VPS53: variants seen among roughly 807,000 people sequenced by gnomAD.
The protein encoded by VPS53 is VPS53 subunit of GARP complex.
A neutral mutation model predicts 107.0 loss-of-function variants in VPS53; 70 were observed. That is an observed-to-expected ratio of 0.65 (90% confidence interval 0.54 to 0.80). The LOEUF is 0.80. Among genes scored for constraint, VPS53 ranks in the 30% least tolerant of loss-of-function variants. VPS53 has a pLI of 0.00. For synonymous variants in VPS53, 409 were observed against 393.3 expected (o/e 1.04, Z -0.47); for missense variants, 917 against 1,049.4 (o/e 0.87, Z 1.74).
rs1907978453 is a variant in VPS53, at chr17:512,071, C to T, written c.*7057G>A. On this transcript the variant is annotated 3_prime_UTR_variant, in exon 22 of 22. Transcript: ENST00000437048. ...ATACTGCTCAGTCTTTTAAAACTCT[C>T]GTGTAAGCTTGATATTACAGTCATG... 1.3e-5 allele frequency: 2 copies of T among 152,192 alleles called. No individual in the cohort carries two copies. The highest frequency in any genetic ancestry group is 4.8e-5 in the African/African-American group (2 of 41,444). The allele number at this position is 152,192 out of a possible 1,614,324, so 9.4% of individuals were successfully genotyped here.
chr17:567,515 T>C (rs919085821), intron 13 of VPS53, among the ~76,000 whole-genome samples: 1 of 152,044 alleles, frequency 6.6e-6, no homozygotes, highest in East Asian at 1.9e-4. Context: ...TTTTTTTTTT[T>C]TTTGAGACAG....
rs1218835476 is a variant in VPS53 at position 562,354 on chromosome 17, A to T, written c.1556+149T>A. The T allele has an allele frequency of 2.7e-6, 3 of 1,093,338 alleles. No homozygotes were observed. In the East Asian group the frequency reaches 7.4e-5, roughly 27 times the overall value. 67.7% of individuals were successfully genotyped at this position (1,093,338 alleles called of 1,614,324 possible). ...ATCAGCTGTGGAATGTCAGAGAGGA[A>T]ATAGCTTCAGGCCCTCGGGAACTCA... On this transcript the variant is annotated intron_variant, in intron 14 of 21. Coordinates refer to ENST00000437048, the MANE Select transcript of VPS53 (RefSeq NM_001128159.3).
chr17:674,581 G>A (rs1301618172), intron 4 of VPS53: 1 of 152,230 alleles, frequency 6.6e-6, no homozygotes, highest in African/African-American at 2.4e-5. Flanking sequence ...AGAACACAGA[G>A]AGTTCTCTTC....
At chr17:562,475 C>T (rs1199655342) in intron 14 of VPS53, 28 bp downstream of exon 14, 1 of 1,611,170 alleles carries the variant, frequency 6.2e-7, no homozygotes, top group Non-Finnish European at 8.5e-7. Context: ...TATTTGCCAC[C>T]ACTCAGACTA....
intron 7 of VPS53, among the ~76,000 whole-genome samples, chr17:637,447 T>A (rs1247118161): frequency 6.6e-6 from 1 of 152,234 alleles, no homozygotes. Context: ...TAGTTATTTC[T>A]TGACTTCTGC....
chr17:681,532 C>A (rs1165618571), intron 4 of VPS53, among the ~76,000 whole-genome samples: 1 of 152,300 alleles, frequency 6.6e-6, no homozygotes, highest in South Asian at 2.1e-4. Flanking sequence ...CTCCCATACA[C>A]GCTTCCATAT....
At position 509,113 on chromosome 17, in the gene VPS53, ATATCAAATCC is replaced by A. The variant is rs1402259079; in HGVS notation, c.*10005_*10014del. The A allele has an allele frequency of 2.1e-5, 3 of 145,462 alleles. No homozygotes were observed. The highest frequency in any genetic ancestry group is 2.0e-4 in the Admixed American group (3 of 14,956). The allele number at this position is 145,462 out of a possible 1,614,324, so 9.0% of individuals were successfully genotyped here. A position where few individuals can be genotyped will look rare whatever the true frequency, so the allele number is the denominator to read the frequency against. ...TCCTGGCTCACCCCTCACTAGTCACATATCAAATCCTGTCTCACCCCTCACCAGTCACATA... is the reference window on the plus strand; with the variant it reads ...TCCTGGCTCACCCCTCACTAGTCACATGTCTCACCCCTCACCAGTCACATA... On this transcript the variant is annotated 3_prime_UTR_variant, in exon 22 of 22. Coordinates refer to ENST00000437048, the MANE Select transcript of VPS53 (RefSeq NM_001128159.3).
intron 4 of VPS53, among the ~76,000 whole-genome samples, chr17:688,119 C>G (rs905558300): frequency 2.6e-5 from 4 of 152,150 alleles, no homozygotes; most frequent in African/African-American, 9.7e-5. Context: ...ACATGTCTCC[C>G]TGCCAAAAAA....
chr17:670,758 G>A (rs115000591), intron 4 of VPS53, among the ~76,000 whole-genome samples: 1 of 152,306 alleles, frequency 6.6e-6, no homozygotes, highest in African/African-American at 2.4e-5. Flanking sequence ...ACTGCAGGAA[G>A]GAGGAAAGGT....
chr17:698,536 C>G (rs1218552574), intron 3 of VPS53, among the ~76,000 whole-genome samples: 1 of 151,838 alleles, frequency 6.6e-6, no homozygotes, highest in Non-Finnish European at 1.5e-5. Context: ...GAAACCCCAT[C>G]TCTACAAAAA....
At chr17:555,030 C>T (rs760735023) in intron 15 of VPS53, among the ~76,000 whole-genome samples, 1 of 152,158 alleles carries the variant, frequency 6.6e-6, no homozygotes, top group Non-Finnish European at 1.5e-5. Flanking sequence ...TCTCATAAAG[C>T]TGGAAACAAT....
rs141036138 is a variant in VPS53 at position 651,371 on chromosome 17, G to A, written c.608+1920C>T. Among the ~76,000 whole-genome samples the A allele has an allele frequency of 2.2e-3, 339 of 152,288 alleles. 1 individual carries two copies. Among genetic ancestry groups the A allele is most frequent in the African/African-American group, 7.7e-3 (320 of 41,560 alleles). ...TGCAGTGGCTCACGCCTGTAACCCC[G>A]ATGCACTGGGAGCCCAAGACCAGCC... On this transcript the variant is annotated intron_variant, in intron 7 of 21. Transcript: ENST00000437048.
intron 4 of VPS53, among the ~76,000 whole-genome samples, chr17:689,464 A>ATTT (rs1184638230): frequency 1.2e-4 from 13 of 111,640 alleles, no homozygotes; most frequent in Admixed American, 2.1e-4. Flanking sequence ...TGCTGGACTA[A>ATTT]TTTTTTTTTT....
rs147717800 is a variant in VPS53, at chr17:560,460, C to T, written c.1670G>A (p.Ser557Asn). 1.5e-4 allele frequency: 234 copies of T among 1,612,630 alleles called. No individual in the cohort carries two copies. Among genetic ancestry groups the T allele is most frequent in the Admixed American group, 5.0e-5 (3 of 59,996 alleles). Residue 557 changes from serine to asparagine, a missense_variant, in exon 15 of 22, where the codon AGC becomes AAC. By Grantham distance (46) the Ser-to-Asn change is conservative. Transcript: ENST00000437048. ...EELCLICNIL[S>N]TAEYCLATTQ... Reference sequence around the variant, plus strand: ...GGTGGCCAGACAGTACTCTGCCGTGCTCAGGATGTTACAGATGAGGCAGAG... The same window carrying T: ...GGTGGCCAGACAGTACTCTGCCGTGTTCAGGATGTTACAGATGAGGCAGAG...
At chr17:623,444 A>AAT in intron 11 of VPS53, 89 bp downstream of exon 11, 1 of 1,475,544 alleles carries the variant, frequency 6.8e-7, no homozygotes, top group South Asian at 1.4e-5. Flanking sequence ...CACCGAAGCC[A>AAT]ATGGATAGAG....
intron 4 of VPS53, among the ~76,000 whole-genome samples, chr17:666,757 A>G (rs1347771587): frequency 6.6e-6 from 1 of 151,156 alleles, no homozygotes; most frequent in African/African-American, 2.4e-5. Context: ...TGTCTCTACT[A>G]AAAATACAAA....
rs536362192 is a variant in VPS53 at position 593,610 on chromosome 17, T to A, written c.1219-7246A>T. On this transcript the variant is annotated intron_variant, in intron 12 of 21. Coordinates refer to ENST00000437048, the MANE Select transcript of VPS53 (RefSeq NM_001128159.3). ...AATGCAAATCAAAACCACGATGAGA[T>A]ACCATTTCACACCAGTTAGAATGGC... 4.6e-5 allele frequency among the ~76,000 whole-genome samples: 7 copies of A among 152,314 alleles called. No individual in the cohort carries two copies. The East Asian group carries it at 1.3e-3, about 29-fold the overall frequency.
intron 4 of VPS53, among the ~76,000 whole-genome samples, chr17:679,153 G>C (rs1972289080): frequency 6.6e-6 from 1 of 152,180 alleles, no homozygotes; most frequent in Non-Finnish European, 1.5e-5. Context: ...CCTCTGAGAA[G>C]GCCTAAAGAA....
chr17:640,355 C>T (rs331005), intron 7 of VPS53, among the ~76,000 whole-genome samples: 52,816 of 151,810 alleles, frequency 0.35, 11,008 homozygotes, highest in Non-Finnish European at 0.47. Flanking sequence ...TCCCGGGTGA[C>T]GCGATGCCCT....
Sources: gnomAD v4.1 joint callset for allele counts (sites outside exome capture counted in the v4.1 genomes callset) on GRCh38, gnomAD v4.1.1 for gene constraint, MANE v1.5 for transcripts, NCBI Gene and HGNC (gene_info 2026-07-23, HGNC 2026-07-21) for gene names.